CLIC4: variants seen among roughly 807,000 people sequenced by gnomAD.
CLIC4 encodes the protein chloride intracellular channel protein 4.
CLIC4 carries 13 observed loss-of-function variants against 24.6 expected under a neutral mutation model. The observed-to-expected ratio is 0.53, with a 90% confidence interval of 0.34 to 0.84. CLIC4 has a LOEUF of 0.84. CLIC4 is among the 40% of genes least tolerant of loss of function. The pLI is 0.01. For missense variants in CLIC4, 227 were observed against 301.7 expected, an observed-to-expected ratio of 0.75 and a Z score of 1.83; for synonymous variants, 104 against 111.3, an observed-to-expected ratio of 0.93 and a Z score of 0.41.
chr1:24,773,591 CTTTTTTTTTTTTT>C (rs61367134), intron 1 of CLIC4, among the ~76,000 whole-genome samples: 3 of 74,012 alleles, frequency 4.1e-5, no homozygotes, highest in East Asian at 8.7e-4. Context: ...TGAGATGCAC[CTTTTTTTTTTTTT>C]TTTTTTTTTT....
chr1:24,822,343 T>TC (rs1491484171), intron 3 of CLIC4, among the ~76,000 whole-genome samples: 288 of 27,130 alleles, frequency 0.011, 1 homozygote, highest in African/African-American at 0.024. Flanking sequence ...AGTGAATTCT[T>TC]TTTTTTTTTT....
At chr1:24,794,409 CTG>C (rs1451983516) in intron 1 of CLIC4, among the ~76,000 whole-genome samples, 1 of 149,908 alleles carries the variant, frequency 6.7e-6, no homozygotes, top group Non-Finnish European at 1.5e-5. Flanking sequence ...TGGTATCTCA[CTG>C]TGCTTTTGAT....
chr1:24,799,686 C>A (rs1161791982), intron 2 of CLIC4, among the ~76,000 whole-genome samples: 2 of 137,312 alleles, frequency 1.5e-5, no homozygotes, highest in African/African-American at 5.7e-5. Flanking sequence ...GCCGCCCCGT[C>A]CGGGAGGGAG....
intron 2 of CLIC4, among the ~76,000 whole-genome samples, chr1:24,800,326 C>T (rs1203171947): frequency 4.2e-4 from 51 of 120,512 alleles, no homozygotes; most frequent in African/African-American, 1.5e-3. Flanking sequence ...GGCCAGCCGC[C>T]CCGTCCGGGA....
At chr1:24,746,815 C>T (rs1477329309) in intron 1 of CLIC4, among the ~76,000 whole-genome samples, 1 of 151,948 alleles carries the variant, frequency 6.6e-6, no homozygotes, top group Non-Finnish European at 1.5e-5. Context: ...AACAAGATGG[C>T]GAAACCCTGT....
chr1:24,751,207 CTTTTTTTTTT>C (rs563478354), intron 1 of CLIC4, among the ~76,000 whole-genome samples: 3 of 109,046 alleles, frequency 2.8e-5, no homozygotes, highest in Non-Finnish European at 3.8e-5. Flanking sequence ...TACTTCCAGT[CTTTTTTTTTT>C]TTTTTTTTTT....
intron 1 of CLIC4, among the ~76,000 whole-genome samples, chr1:24,782,204 A>G (rs1310192220): frequency 6.6e-6 from 1 of 152,216 alleles, no homozygotes; most frequent in Non-Finnish European, 1.5e-5. Flanking sequence ...CAGAGGAGGA[A>G]CCACTGGCAA....
intron 4 of CLIC4, 43 bp from the exon 5 acceptor site, chr1:24,839,817 T>C (rs761639748): frequency 1.9e-6 from 3 of 1,556,566 alleles, no homozygotes; most frequent in Non-Finnish European, 2.6e-6. Flanking sequence ...CTTGAGTGGT[T>C]TTCCTTCTTA....
At chr1:24,795,760 G>T (rs1233965813) in intron 1 of CLIC4, among the ~76,000 whole-genome samples, 3 of 152,136 alleles carry the variant, frequency 2.0e-5, no homozygotes, top group African/African-American at 7.2e-5. Context: ...CGTAGAGACG[G>T]AGTTTCACTA....
At chr1:24,816,233 T>TG (rs1171384412) in intron 3 of CLIC4, among the ~76,000 whole-genome samples, 8 of 92,900 alleles carry the variant, frequency 8.6e-5, no homozygotes, top group Non-Finnish European at 1.5e-4. Flanking sequence ...TGAATGTTCG[T>TG]GTTTTTTTTT....
chr1:24,815,558 A>G (rs1009227076), intron 3 of CLIC4, among the ~76,000 whole-genome samples: 5 of 152,140 alleles, frequency 3.3e-5, no homozygotes, highest in African/African-American at 4.8e-5. Flanking sequence ...CAGCGAGTCA[A>G]TCTTTTTGCC....
At chr1:24,754,406 C>T (rs866607012) in intron 1 of CLIC4, among the ~76,000 whole-genome samples, 2 of 152,136 alleles carry the variant, frequency 1.3e-5, no homozygotes, top group Admixed American at 6.5e-5. Context: ...CTTCCTGTTT[C>T]GTTAGAGCTG....
chr1:24,776,101 C>G (rs951135417), intron 1 of CLIC4, among the ~76,000 whole-genome samples: 1 of 152,274 alleles, frequency 6.6e-6, no homozygotes, highest in East Asian at 1.9e-4. Context: ...CTGCTCTGTG[C>G]ATGTGTGTTT....
intron 1 of CLIC4, among the ~76,000 whole-genome samples, chr1:24,754,112 T>C (rs931035916): frequency 6.6e-6 from 1 of 152,242 alleles, no homozygotes; most frequent in Non-Finnish European, 1.5e-5. Flanking sequence ...TTGCCTGAGC[T>C]GTTCCTGAAG....
At chr1:24,800,464 G>C (rs1259730860) in intron 2 of CLIC4, among the ~76,000 whole-genome samples, 1 of 150,832 alleles carries the variant, frequency 6.6e-6, no homozygotes, top group East Asian at 2.0e-4. Flanking sequence ...CCCCTGCCCG[G>C]CCAGCCGCCC....
chr1:24,763,307 TG>T (rs1218711396), intron 1 of CLIC4, among the ~76,000 whole-genome samples: 1 of 151,958 alleles, frequency 6.6e-6, no homozygotes, highest in Non-Finnish European at 1.5e-5. Flanking sequence ...TGGGAGGCTG[TG>T]GTGGGCAGAT....
chr1:24,809,922 G>A (rs1014885875), intron 2 of CLIC4, among the ~76,000 whole-genome samples: 2 of 152,146 alleles, frequency 1.3e-5, no homozygotes, highest in African/African-American at 4.8e-5. Flanking sequence ...TTTTCTTGAA[G>A]TACACATTTT....
intron 4 of CLIC4, among the ~76,000 whole-genome samples, chr1:24,830,746 A>G (rs1379746917): frequency 6.6e-6 from 1 of 152,176 alleles, no homozygotes. Context: ...TGTTGCACTT[A>G]AAAATTTTTT....
intron 2 of CLIC4, among the ~76,000 whole-genome samples, chr1:24,805,568 C>T (rs138462740): frequency 4.3e-4 from 66 of 152,000 alleles, no homozygotes; most frequent in Middle Eastern, 6.8e-3. Flanking sequence ...AAAAGGAACT[C>T]GATTTTTTTT....
Sources: gnomAD v4.1 joint callset for allele counts (sites outside exome capture counted in the v4.1 genomes callset) on GRCh38, gnomAD v4.1.1 for gene constraint, MANE v1.5 for transcripts, NCBI Gene and HGNC (gene_info 2026-07-23, HGNC 2026-07-21) for gene names.